The following ODAD2 variants were observed in gnomAD, a reference collection of about 807,000 sequenced individuals.
ODAD2 encodes the protein outer dynein arm docking complex subunit 2, also known as outer dynein arm-docking complex subunit 2.
Under a neutral mutation model 106.8 loss-of-function variants are expected in ODAD2, and 89 were observed. That is an observed-to-expected ratio of 0.83 (90% CI 0.70 to 0.99). The LOEUF is 0.99. Among genes scored for constraint, ODAD2 ranks in the 50% least tolerant of loss-of-function variants. ODAD2 has a pLI of 0.00. For synonymous variants in ODAD2, 404 were observed against 436.2 expected, an observed-to-expected ratio of 0.93 and a Z score of 0.92; for missense variants, 1,168 against 1,238.5, an observed-to-expected ratio of 0.94 and a Z score of 0.85.
chr10:27,947,784 G>A (rs879635964), intron 10 of ODAD2, among the ~76,000 whole-genome samples: 7 of 152,146 alleles, frequency 4.6e-5, no homozygotes, highest in Non-Finnish European at 7.3e-5. Context: ...GTCATACCTT[G>A]TTTAAGCCAA....
intron 18 of ODAD2, among the ~76,000 whole-genome samples, chr10:27,861,229 T>C (rs932359272): frequency 6.6e-6 from 1 of 152,190 alleles, no homozygotes; most frequent in Non-Finnish European, 1.5e-5. Flanking sequence ...TGGCCTCAAG[T>C]GATCCACTCA....
chr10:27,923,940 T>C (rs1049938211), intron 16 of ODAD2, among the ~76,000 whole-genome samples: 3 of 72,146 alleles, frequency 4.2e-5, no homozygotes, highest in Non-Finnish European at 8.3e-5. Context: ...AGAGACCCTG[T>C]CTAATGAAAG....
chr10:27,818,428 T>G (rs1281520837), intron 19 of ODAD2, among the ~76,000 whole-genome samples: 2 of 152,108 alleles, frequency 1.3e-5, no homozygotes, highest in Non-Finnish European at 2.9e-5. Flanking sequence ...ATACAAAATA[T>G]AGCAGAAAAA....
At chr10:27,964,346 C>T (rs560799474) in intron 9 of ODAD2, among the ~76,000 whole-genome samples, 7 of 152,248 alleles carry the variant, frequency 4.6e-5, no homozygotes, top group South Asian at 4.1e-4. Context: ...TTTTAACTTA[C>T]GTGTGCCTCG....
intron 16 of ODAD2, among the ~76,000 whole-genome samples, chr10:27,933,109 A>T (rs1845722761): frequency 6.6e-6 from 1 of 152,118 alleles, no homozygotes; most frequent in South Asian, 2.1e-4. Flanking sequence ...AATTTAAAGA[A>T]TTAGAGGGCA....
intron 11 of ODAD2, 114 bp from the exon 12 acceptor site, chr10:27,944,545 A>G (rs145040059): frequency 9.8e-5 from 94 of 954,904 alleles, no homozygotes; most frequent in Non-Finnish European, 1.3e-4. Context: ...AATCATTTCC[A>G]TTCCCAGAGG....
At chr10:27,852,671 C>G (rs543938594) in intron 19 of ODAD2, among the ~76,000 whole-genome samples, 7 of 152,244 alleles carry the variant, frequency 4.6e-5, no homozygotes, top group African/African-American at 1.4e-4. Flanking sequence ...ACATTTAAAG[C>G]TAACCGTGGC....
chr10:27,885,947 A>T (rs1431928469), intron 17 of ODAD2, among the ~76,000 whole-genome samples: 1 of 136,592 alleles, frequency 7.3e-6, no homozygotes, highest in African/African-American at 2.7e-5. Context: ...AAATTCTGGA[A>T]CTGAAAAATA....
Position 27,960,503 on chromosome 10 carries a change from C to T in ODAD2, c.1386+1065G>A, listed in dbSNP as rs113786614. On this transcript the variant is annotated intron_variant, in intron 10 of 19. Transcript: ENST00000305242. ...CTGGGATTACAGGCGTGTGCCACCA[C>T]GCCCAGCTAATTTTTTTTGTATTTT... 3.0e-3 allele frequency among the ~76,000 whole-genome samples: 448 copies of T among 151,706 alleles called. 2 individuals are homozygous for T. Among genetic ancestry groups the T allele is most frequent in the South Asian group, 4.8e-3 (23 of 4,788 alleles).
intron 19 of ODAD2, among the ~76,000 whole-genome samples, chr10:27,836,885 A>G (rs1456867883): frequency 2.0e-5 from 3 of 152,222 alleles, no homozygotes; most frequent in African/African-American, 7.2e-5. Flanking sequence ...GACTTATTTC[A>G]TAAACATCAA....
chr10:27,993,035 C>T (rs535474840), intron 2 of ODAD2, among the ~76,000 whole-genome samples: 1 of 152,250 alleles, frequency 6.6e-6, no homozygotes, highest in South Asian at 2.1e-4. Context: ...CCTGCCTCAG[C>T]CTCCCTAGTA....
At chr10:27,902,884 G>C (rs765814597) in intron 17 of ODAD2, among the ~76,000 whole-genome samples, 2 of 152,012 alleles carry the variant, frequency 1.3e-5, no homozygotes, top group Admixed American at 6.6e-5. Flanking sequence ...GAGGAGCTGG[G>C]ACCATTCCTT....
chr10:27,913,995 G>T (rs1844191089), intron 16 of ODAD2, among the ~76,000 whole-genome samples: 1 of 152,032 alleles, frequency 6.6e-6, no homozygotes, highest in African/African-American at 2.4e-5. Flanking sequence ...AAACCCAAAG[G>T]AATATAAATC....
chr10:27,862,894 T>C (rs569118554), intron 17 of ODAD2, among the ~76,000 whole-genome samples: 3 of 152,318 alleles, frequency 2.0e-5, no homozygotes, highest in African/African-American at 7.2e-5. Flanking sequence ...GTCACTGTGT[T>C]AGCTACTGAG....
chr10:27,862,723 G>C, intron 17 of ODAD2, 101 bp from the exon 18 acceptor site: 3 of 706,112 alleles, frequency 4.2e-6, no homozygotes, highest in Non-Finnish European at 6.6e-6. Flanking sequence ...GTACATCTTT[G>C]GCATGAAAGA....
chr10:27,864,023 A>AT (rs1840259040), intron 17 of ODAD2, among the ~76,000 whole-genome samples: 1 of 151,996 alleles, frequency 6.6e-6, no homozygotes. Context: ...ATTTTTATCA[A>AT]TTTTTTATCT....
chr10:27,970,230 C>T (rs1848758977), intron 8 of ODAD2, among the ~76,000 whole-genome samples: 2 of 152,092 alleles, frequency 1.3e-5, no homozygotes, highest in African/African-American at 2.4e-5. Flanking sequence ...ATAGAAGGTC[C>T]TAAATGGCAC....
intron 19 of ODAD2, among the ~76,000 whole-genome samples, chr10:27,847,494 C>G (rs565495820): frequency 1.3e-5 from 2 of 152,246 alleles, no homozygotes; most frequent in South Asian, 4.2e-4. Flanking sequence ...ATGAAGCATT[C>G]CCTTTGAAAA....
At chr10:27,924,197 T>C (rs116955013) in intron 16 of ODAD2, among the ~76,000 whole-genome samples, 3 of 151,940 alleles carry the variant, frequency 2.0e-5, no homozygotes, top group Non-Finnish European at 4.4e-5. Context: ...AAATGTAGTA[T>C]GAGAAATATC....
Sources: gnomAD v4.1 joint callset for allele counts (sites outside exome capture counted in the v4.1 genomes callset) on GRCh38, gnomAD v4.1.1 for gene constraint, MANE v1.5 for transcripts, NCBI Gene and HGNC (gene_info 2026-07-23, HGNC 2026-07-21) for gene names.